Variants in GRIN2A observed in about 807,000 individuals in gnomAD.
GRIN2A encodes the protein glutamate receptor ionotropic, NMDA 2A.
GRIN2A carries 22 observed loss-of-function variants against 113.4 expected under a neutral mutation model. The ratio of observed to expected loss-of-function variants is 0.19; its 90% CI spans 0.14 to 0.28. The LOEUF is 0.28. GRIN2A is among the 10% of genes least tolerant of loss of function. The probability of loss-of-function intolerance (pLI) is 1.00; values close to 1 mark genes in which losing one functional copy is unlikely to be tolerated. For missense variants in GRIN2A, 1,502 were observed against 1,887.0 expected (o/e 0.80, Z 3.78); for synonymous variants, 827 against 738.4 (o/e 1.12, Z -1.94).
chr16:9,902,396 G>A (rs893854344), intron 3 of GRIN2A, among the ~76,000 whole-genome samples: 1 of 152,218 alleles, frequency 6.6e-6, no homozygotes, highest in Non-Finnish European at 1.5e-5. Flanking sequence ...GGAAGCCACT[G>A]GCTGAGGGTG....
At chr16:9,847,934 TA>T (rs1223298885) in intron 5 of GRIN2A, among the ~76,000 whole-genome samples, 1 of 146,252 alleles carries the variant, frequency 6.8e-6, no homozygotes, top group Non-Finnish European at 1.5e-5. Context: ...TATATATATA[TA>T]AAAATATATA....
chr16:10,105,447 GT>G (rs1226993968), intron 2 of GRIN2A, among the ~76,000 whole-genome samples: 1 of 151,312 alleles, frequency 6.6e-6, no homozygotes, highest in African/African-American at 2.4e-5. Context: ...CTGACCCAAT[GT>G]TTAATAGAGA....
At chr16:10,114,359 G>C (rs2048687148) in intron 2 of GRIN2A, among the ~76,000 whole-genome samples, 1 of 152,168 alleles carries the variant, frequency 6.6e-6, no homozygotes, top group South Asian at 2.1e-4. Flanking sequence ...ATCCACCCAA[G>C]AGATTATGTG....
chr16:10,182,466 G>A (rs2142399187), upstream of GRIN2A: 1 of 152,374 alleles, frequency 6.6e-6, no homozygotes, highest in South Asian at 2.1e-4. Flanking sequence ...CTGAGTTTGT[G>A]ACGAGCCAGC....
intron 3 of GRIN2A, among the ~76,000 whole-genome samples, chr16:9,898,073 T>C (rs1359219520): frequency 1.4e-5 from 2 of 141,926 alleles, no homozygotes; most frequent in African/African-American, 5.5e-5. Context: ...TTTTTTTTTT[T>C]TTGCAAAAAT....
chr16:10,056,193 C>T (rs1039545277), intron 2 of GRIN2A, among the ~76,000 whole-genome samples: 2 of 152,196 alleles, frequency 1.3e-5, no homozygotes, highest in African/African-American at 2.4e-5. Flanking sequence ...AGAATTTCTA[C>T]TCTGAAGAAA....
chr16:10,090,058 T>A (rs1230651028), intron 2 of GRIN2A, among the ~76,000 whole-genome samples: 1 of 152,294 alleles, frequency 6.6e-6, no homozygotes, highest in African/African-American at 2.4e-5. Flanking sequence ...ATTTTACAGC[T>A]TTTTTAGTAT....
At chr16:10,109,710 T>C (rs1212081694) in intron 2 of GRIN2A, among the ~76,000 whole-genome samples, 1 of 151,656 alleles carries the variant, frequency 6.6e-6, no homozygotes, top group Non-Finnish European at 1.5e-5. Flanking sequence ...TAGTCAATAA[T>C]TGAACATTTT....
intron 2 of GRIN2A, among the ~76,000 whole-genome samples, chr16:10,108,770 G>A (rs2048548555): frequency 6.6e-6 from 1 of 152,076 alleles, no homozygotes; most frequent in Admixed American, 6.5e-5. Flanking sequence ...TACCATGTTA[G>A]GCAGACTTAT....
At chr16:9,770,964 A>T (rs1431864243) in intron 11 of GRIN2A, among the ~76,000 whole-genome samples, 1 of 152,200 alleles carries the variant, frequency 6.6e-6, no homozygotes, top group Non-Finnish European at 1.5e-5. Flanking sequence ...TAGATTATAC[A>T]GTAAGTCTGT....
intron 2 of GRIN2A, among the ~76,000 whole-genome samples, chr16:9,994,410 G>A (rs1312547372): frequency 6.6e-6 from 1 of 152,154 alleles, no homozygotes; most frequent in Non-Finnish European, 1.5e-5. Flanking sequence ...CTCGTCCCCA[G>A]GTGGGAGGTG....
At chr16:10,084,497 G>T (rs755572588) in intron 2 of GRIN2A, among the ~76,000 whole-genome samples, 1 of 152,088 alleles carries the variant, frequency 6.6e-6, no homozygotes, top group Non-Finnish European at 1.5e-5. Context: ...TAGAATTCCT[G>T]TTCATAGGCG....
At chr16:9,989,558 G>A (rs866702154) in intron 2 of GRIN2A, among the ~76,000 whole-genome samples, 2 of 151,976 alleles carry the variant, frequency 1.3e-5, no homozygotes, top group South Asian at 2.1e-4. Context: ...TTAAACTAAA[G>A]GTCTTCTGCA....
In GRIN2A at chr16:10,160,628, G is replaced by T. The variant is rs373881216; in HGVS notation, c.414+19370C>A. Among the ~76,000 whole-genome samples, 313 of 152,308 alleles carry T rather than the reference G, an allele frequency of 2.1e-3. 2 individuals carry two copies. Among genetic ancestry groups the T allele is most frequent in the African/African-American group, 7.2e-3 (301 of 41,562 alleles). On this transcript the variant is annotated intron_variant, in intron 2 of 12. Transcript: ENST00000330684. ...CATCAGAGACTTTCCCACATTCAGC[G>T]GAGCCAGAGATTTTGGCTGTTTTAA...
At chr16:9,997,908 A>G (rs545292341) in intron 2 of GRIN2A, among the ~76,000 whole-genome samples, 9 of 152,304 alleles carry the variant, frequency 5.9e-5, no homozygotes, top group African/African-American at 2.2e-4. Flanking sequence ...AGGCCTCCCC[A>G]GCCATGTGGA....
intron 10 of GRIN2A, among the ~76,000 whole-genome samples, chr16:9,819,270 A>G (rs1196602554): frequency 6.6e-6 from 1 of 152,178 alleles, no homozygotes; most frequent in African/African-American, 2.4e-5. Flanking sequence ...CTGTAATCCC[A>G]GCACTTTGAG....
intron 2 of GRIN2A, among the ~76,000 whole-genome samples, chr16:10,091,488 ACAC>A (rs2048183994): frequency 1.3e-5 from 2 of 151,488 alleles, no homozygotes; most frequent in African/African-American, 4.9e-5. Context: ...ACACACACAC[ACAC>A]AAACACACAA....
chr16:9,878,157 T>A (rs1453065032), intron 4 of GRIN2A, among the ~76,000 whole-genome samples: 1 of 152,150 alleles, frequency 6.6e-6, no homozygotes, highest in Non-Finnish European at 1.5e-5. Context: ...CATGCTCCCA[T>A]CACCCTCAGA....
Position 9,850,021 on chromosome 16 carries a change from C to T in GRIN2A, c.1123-60G>A, listed in dbSNP as rs902139566. On this transcript the variant is annotated intron_variant, in intron 4 of 12. Transcript: ENST00000330684. ...CTTCCGCCGCTGATTTCTGGAGAGG[C>T]AAATCCTTTCCCTGCCAGAGACATC... The T allele has an allele frequency of 2.1e-6, 3 of 1,408,002 alleles. No homozygotes were observed. In the East Asian group the frequency reaches 6.8e-5, roughly 32 times the overall value. 87.2% of individuals were successfully genotyped at this position (1,408,002 alleles called of 1,614,324 possible).
Sources: allele counts gnomAD v4.1 joint callset (sites outside exome capture counted in the v4.1 genomes callset), GRCh38; gene constraint gnomAD v4.1.1; transcripts MANE v1.5; gene names NCBI Gene and HGNC (gene_info 2026-07-23, HGNC 2026-07-21).